Variants in OTUD7A observed in about 807,000 individuals in gnomAD.
OTUD7A encodes the protein OTU deubiquitinase 7A.
Under a neutral mutation model 65.7 loss-of-function variants are expected in OTUD7A, and 12 were observed. The observed-to-expected ratio is 0.18, with a 90% CI of 0.12 to 0.30. OTUD7A has a LOEUF of 0.30. Ranked by LOEUF, OTUD7A falls within the 10% of genes least tolerant of loss-of-function variation. The pLI, the probability that OTUD7A is intolerant of heterozygous loss-of-function variation, is 1.00. For synonymous variants in OTUD7A, 641 were observed against 586.3 expected (o/e 1.09, Z -1.35); for missense variants, 1,148 against 1,304.8 (o/e 0.88, Z 1.85).
At chr15:31,822,739 T>C (rs1896714830) in intron 1 of OTUD7A, among the ~76,000 whole-genome samples, 1 of 152,232 alleles carries the variant, frequency 6.6e-6, no homozygotes, top group Non-Finnish European at 1.5e-5. Flanking sequence ...TCATCTCTAA[T>C]CCAGGCAGAC....
chr15:31,518,929 G>C (rs1292949900), intron 8 of OTUD7A, among the ~76,000 whole-genome samples: 1 of 152,258 alleles, frequency 6.6e-6, no homozygotes, highest in Non-Finnish European at 1.5e-5. Context: ...CTATGGCCTG[G>C]GAAGCTGAGA....
At chr15:31,785,315 G>A (rs918458064) in intron 1 of OTUD7A, among the ~76,000 whole-genome samples, 8 of 151,912 alleles carry the variant, frequency 5.3e-5, no homozygotes, top group Admixed American at 2.6e-4. Flanking sequence ...GTAAGCTTTC[G>A]GTACATTTGA....
chr15:31,753,676 T>TAA (rs1362056095), intron 1 of OTUD7A, among the ~76,000 whole-genome samples: 11 of 121,750 alleles, frequency 9.0e-5, no homozygotes, highest in African/African-American at 1.2e-4. Context: ...TATATATATA[T>TAA]AACCTGTGAG....
chr15:31,489,441 G>A (rs2041286165), intron 10 of OTUD7A, among the ~76,000 whole-genome samples: 1 of 152,186 alleles, frequency 6.6e-6, no homozygotes, highest in Admixed American at 6.5e-5. Context: ...GCTTCCCAGG[G>A]TAGAATTGCT....
At chr15:31,548,823 T>A (rs1888222029) in intron 5 of OTUD7A, among the ~76,000 whole-genome samples, 1 of 152,066 alleles carries the variant, frequency 6.6e-6, no homozygotes, top group Non-Finnish European at 1.5e-5. Context: ...ACAAGCTGTT[T>A]GAAATTTGAA....
At chr15:31,781,057 A>G (rs1895526076) in intron 1 of OTUD7A, among the ~76,000 whole-genome samples, 1 of 152,176 alleles carries the variant, frequency 6.6e-6, no homozygotes, top group African/African-American at 2.4e-5. Context: ...AGATGGTCCC[A>G]GCAATGTGTC....
chr15:31,616,392 C>T (rs978897894), intron 3 of OTUD7A, among the ~76,000 whole-genome samples: 1 of 152,122 alleles, frequency 6.6e-6, no homozygotes, highest in Non-Finnish European at 1.5e-5. Context: ...GAGGAATTAA[C>T]TGGAAATGTA....
chr15:31,637,825 G>C (rs1566955011), intron 3 of OTUD7A, among the ~76,000 whole-genome samples: 2 of 152,228 alleles, frequency 1.3e-5, no homozygotes, highest in African/African-American at 4.8e-5. Context: ...GGAATTAGAA[G>C]TGGAGTCTGA....
At chr15:31,623,112 C>T (rs558676699) in intron 3 of OTUD7A, among the ~76,000 whole-genome samples, 2 of 152,214 alleles carry the variant, frequency 1.3e-5, no homozygotes, top group African/African-American at 4.8e-5. Context: ...GCTGCCTGAT[C>T]TTTCCTCTGG....
intron 5 of OTUD7A, chr15:31,556,904 A>C (rs996637762): frequency 3.3e-5 from 5 of 152,036 alleles, no homozygotes; most frequent in African/African-American, 9.7e-5. Flanking sequence ...GCCAGCCCCC[A>C]CAGTGAGTGG....
At chr15:31,721,686 G>A (rs952031811) in intron 1 of OTUD7A, among the ~76,000 whole-genome samples, 3 of 151,538 alleles carry the variant, frequency 2.0e-5, no homozygotes, top group Admixed American at 6.6e-5. Context: ...CTAAATCAAC[G>A]TGATCAACAG....
At chr15:31,654,967 G>A in intron 3 of OTUD7A, 129 bp downstream of exon 3, 1 of 1,102,722 alleles carries the variant, frequency 9.1e-7, no homozygotes, top group East Asian at 2.9e-5. Context: ...CTTAATATCG[G>A]TAAGATGTAA....
chr15:31,521,322 C>A (rs2041934809), intron 8 of OTUD7A, among the ~76,000 whole-genome samples: 1 of 152,130 alleles, frequency 6.6e-6, no homozygotes, highest in Non-Finnish European at 1.5e-5. Flanking sequence ...AAGGTGGATT[C>A]TTTAGACAGG....
At chr15:31,731,700 T>C (rs948157224) in intron 1 of OTUD7A, among the ~76,000 whole-genome samples, 1 of 152,152 alleles carries the variant, frequency 6.6e-6, no homozygotes, top group Non-Finnish European at 1.5e-5. Context: ...AATCATGGAC[T>C]CTGGGCAATA....
chr15:31,554,697 T>C (rs1216407003), intron 5 of OTUD7A, among the ~76,000 whole-genome samples: 1 of 152,070 alleles, frequency 6.6e-6, no homozygotes, highest in African/African-American at 2.4e-5. Context: ...AACCACACCA[T>C]CTCACCCACA....
At chr15:31,766,411 G>A in intron 1 of OTUD7A, 11 of 1,582,178 alleles carry the variant, frequency 7.0e-6, no homozygotes, top group Non-Finnish European at 9.6e-6. Flanking sequence ...AAATGAGGTT[G>A]CAGCAAACTT....
At chr15:31,769,272 G>A (rs1002950963) in intron 1 of OTUD7A, among the ~76,000 whole-genome samples, 1 of 152,144 alleles carries the variant, frequency 6.6e-6, no homozygotes, top group African/African-American at 2.4e-5. Flanking sequence ...AAATTCCAAG[G>A]ATTAAGAGAG....
intron 10 of OTUD7A, among the ~76,000 whole-genome samples, chr15:31,490,646 T>C (rs749532190): frequency 1.7e-4 from 26 of 152,296 alleles, no homozygotes; most frequent in Admixed American, 4.6e-4. Context: ...AATGGTTAAA[T>C]TGGTAAAGGA....
chr15:31,589,124 T>C (rs899123981), intron 3 of OTUD7A, among the ~76,000 whole-genome samples: 1 of 152,202 alleles, frequency 6.6e-6, no homozygotes, highest in Admixed American at 6.5e-5. Context: ...TTGAAAAAGA[T>C]GTATGCTACA....
Sources: allele counts gnomAD v4.1 joint callset (sites outside exome capture counted in the v4.1 genomes callset), GRCh38; gene constraint gnomAD v4.1.1; transcripts MANE v1.5; gene names NCBI Gene and HGNC (gene_info 2026-07-23, HGNC 2026-07-21).